The following PCDH9 variants were observed in gnomAD, a reference collection of about 807,000 sequenced individuals.
PCDH9 encodes protocadherin-9.
Under a neutral mutation model 70.6 loss-of-function variants are expected in PCDH9, and 24 were observed. The ratio of observed to expected loss-of-function variants is 0.34; its 90% CI spans 0.25 to 0.48. The LOEUF (loss-of-function observed/expected upper bound fraction) is 0.48. PCDH9 is among the 20% of genes least tolerant of loss of function. The pLI is 0.99. For synonymous variants in PCDH9, 562 were observed against 558.5 expected, an observed-to-expected ratio of 1.01 and a Z score of -0.09; for missense variants, 1,281 against 1,503.6, an observed-to-expected ratio of 0.85 and a Z score of 2.45.
chr13:66,975,367 T>C (rs552453393), intron 2 of PCDH9, among the ~76,000 whole-genome samples: 2 of 152,002 alleles, frequency 1.3e-5, no homozygotes, highest in African/African-American at 4.8e-5. Context: ...CTAATAATGG[T>C]TTCAACATTT....
intron 3 of PCDH9, among the ~76,000 whole-genome samples, chr13:66,797,187 G>C (rs2080255934): frequency 6.6e-6 from 1 of 151,976 alleles, no homozygotes; most frequent in African/African-American, 2.4e-5. Flanking sequence ...AATATGTGTT[G>C]CTCACATTTT....
intron 4 of PCDH9, among the ~76,000 whole-genome samples, chr13:66,329,894 A>T (rs142301080): frequency 3.4e-3 from 511 of 152,330 alleles, no homozygotes; most frequent in Non-Finnish European, 6.3e-3. Context: ...GGTCTTTCTT[A>T]TTATAAGAAA....
chr13:66,858,920 G>A (rs983283735), intron 3 of PCDH9: 12 of 151,982 alleles, frequency 7.9e-5, no homozygotes, highest in East Asian at 3.9e-4. Flanking sequence ...TTGTCTCTCC[G>A]ACTTCCTCTG....
In PCDH9 at chr13:66,601,406, A is replaced by T. The variant is rs550072004; in HGVS notation, c.3340+29804T>A. On this transcript the variant is annotated intron_variant, in intron 4 of 4. Coordinates refer to ENST00000377865, the MANE Select transcript of PCDH9 (RefSeq NM_203487.3). ...ACATTGGCTACTTATATATGGTACA[A>T]GTGCAATTAGTTTGTTAGTTAATTG... Among the ~76,000 whole-genome samples, 68 of 146,196 alleles carry T rather than the reference A, an allele frequency of 4.7e-4. 6 individuals are homozygous for T. The highest frequency in any genetic ancestry group is 1.6e-3 in the African/African-American group (64 of 40,674).
rs1002462201 is a variant in PCDH9, at chr13:66,957,289, C to CT, written c.3037-53685dup. Among the ~76,000 whole-genome samples, 95 of 149,910 alleles carry CT rather than the reference C, an allele frequency of 6.3e-4. 4 individuals are homozygous for CT. The highest frequency in any genetic ancestry group is 4.2e-4 in the South Asian group (2 of 4,718). On this transcript the variant is annotated intron_variant, in intron 2 of 4. Transcript: ENST00000377865. Reference sequence around the variant, plus strand: ...TACTTGTGCAGGTAGCTGCAATGAACTTTTTTTTTTACACTTACTTTTGTC... The same window carrying CT: ...TACTTGTGCAGGTAGCTGCAATGAACTTTTTTTTTTTACACTTACTTTTGTC...
At chr13:67,188,694 C>A (rs868605141) in intron 2 of PCDH9, among the ~76,000 whole-genome samples, 1 of 152,088 alleles carries the variant, frequency 6.6e-6, no homozygotes, top group Non-Finnish European at 1.5e-5. Context: ...TGCTTTCACT[C>A]TTATAATATC....
chr13:66,420,022 T>C (rs1593949664), intron 4 of PCDH9, among the ~76,000 whole-genome samples: 1 of 152,190 alleles, frequency 6.6e-6, no homozygotes, highest in South Asian at 2.1e-4. Flanking sequence ...CTTGAGTAGG[T>C]GCTTTTCCCC....
chr13:66,459,655 C>T (rs1566342422), intron 4 of PCDH9, among the ~76,000 whole-genome samples: 2 of 151,972 alleles, frequency 1.3e-5, no homozygotes, highest in Non-Finnish European at 2.9e-5. Context: ...ATTGCCACTT[C>T]AGCATCCAGC....
chr13:66,829,955 A>AC (rs1359196766), intron 3 of PCDH9, among the ~76,000 whole-genome samples: 1 of 6,232 alleles, frequency 1.6e-4, no homozygotes, highest in Admixed American at 4.8e-3. Flanking sequence ...AATTGTTCCA[A>AC]CTTTTTTTCT....
At chr13:67,183,563 C>A (rs1305424298) in intron 2 of PCDH9, among the ~76,000 whole-genome samples, 1 of 152,050 alleles carries the variant, frequency 6.6e-6, no homozygotes, top group Admixed American at 6.6e-5. Flanking sequence ...TTAATTACAA[C>A]ACTTTTGTAT....
At chr13:66,778,154 T>G (rs1295616083) in intron 3 of PCDH9, among the ~76,000 whole-genome samples, 32 of 129,438 alleles carry the variant, frequency 2.5e-4, no homozygotes, top group Admixed American at 3.1e-4. Context: ...AGGGGGGAGG[T>G]ATAGCTTTAG....
chr13:66,633,602 C>T (rs2077599980), intron 3 of PCDH9, among the ~76,000 whole-genome samples: 1 of 152,070 alleles, frequency 6.6e-6, no homozygotes, highest in South Asian at 2.1e-4. Context: ...CTGAAAACTC[C>T]TAGATTTTAA....
At chr13:66,954,984 C>T (rs918827607) in intron 2 of PCDH9, among the ~76,000 whole-genome samples, 2 of 152,072 alleles carry the variant, frequency 1.3e-5, no homozygotes, top group Admixed American at 6.6e-5. Flanking sequence ...AGGATGGTCT[C>T]GATCTCCTGA....
At chr13:66,474,577 TATC>T (rs1393407157) in intron 4 of PCDH9, among the ~76,000 whole-genome samples, 4 of 152,186 alleles carry the variant, frequency 2.6e-5, no homozygotes, top group Non-Finnish European at 5.9e-5. Flanking sequence ...ATATGAAATA[TATC>T]ATAATACAAA....
chr13:66,695,936 T>C (rs1265544693), intron 3 of PCDH9, among the ~76,000 whole-genome samples: 2 of 152,148 alleles, frequency 1.3e-5, no homozygotes, highest in East Asian at 3.8e-4. Flanking sequence ...TTAAAAGCAA[T>C]TAGAAAATAA....
chr13:66,403,520 C>T (rs1022001506), intron 4 of PCDH9, among the ~76,000 whole-genome samples: 1 of 152,038 alleles, frequency 6.6e-6, no homozygotes, highest in Non-Finnish European at 1.5e-5. Flanking sequence ...TGGTAAAACA[C>T]TATCTGACTG....
chr13:66,495,918 T>C (rs1404817249), intron 4 of PCDH9, among the ~76,000 whole-genome samples: 1 of 152,188 alleles, frequency 6.6e-6, no homozygotes, highest in African/African-American at 2.4e-5. Context: ...GTGACTGAGT[T>C]TCCTCTTCTG....
chr13:66,534,229 C>T (rs192748239), intron 4 of PCDH9, among the ~76,000 whole-genome samples: 19,018 of 151,980 alleles, frequency 0.13, 1,401 homozygotes, highest in Middle Eastern at 0.24. Context: ...TGTGAAAACT[C>T]TAGTTTTATA....
chr13:66,649,888 C>T (rs2077825924), intron 3 of PCDH9, among the ~76,000 whole-genome samples: 1 of 150,396 alleles, frequency 6.6e-6, no homozygotes, highest in Non-Finnish European at 1.5e-5. Context: ...CTTAGACAAT[C>T]CGTGTTAGTT....
Sources: allele counts gnomAD v4.1 joint callset (sites outside exome capture counted in the v4.1 genomes callset), GRCh38; gene constraint gnomAD v4.1.1; transcripts MANE v1.5; gene names NCBI Gene and HGNC (gene_info 2026-07-23, HGNC 2026-07-21).